PLCZ1: variants seen among roughly 807,000 people sequenced by gnomAD.
PLCZ1 encodes the protein 1-phosphatidylinositol 4,5-bisphosphate phosphodiesterase zeta-1.
Under a neutral mutation model 76.8 loss-of-function variants are expected in PLCZ1, and 64 were observed. The observed-to-expected ratio is 0.83, with a 90% CI of 0.68 to 1.03. PLCZ1 has a LOEUF of 1.03. Among genes scored for constraint, PLCZ1 ranks in the 50% least tolerant of loss-of-function variants. The probability of loss-of-function intolerance (pLI) is 0.00; values close to 1 mark genes in which losing one functional copy is unlikely to be tolerated. For missense variants in PLCZ1, 751 were observed against 713.7 expected, an observed-to-expected ratio of 1.05 and a Z score of -0.60; for synonymous variants, 248 against 230.8, an observed-to-expected ratio of 1.07 and a Z score of -0.68.
the PLCZ1 span, among the ~76,000 whole-genome samples, chr12:18,650,331 C>CTATATATATATATA: frequency 3.3e-5 from 3 of 91,982 alleles, no homozygotes; most frequent in African/African-American, 4.4e-5. Flanking sequence ...CTCTCTCTCT[C>CTATATATATATATA]TATATATATA....
At chr12:18,648,175 G>T in the PLCZ1 span, 1 of 404,418 alleles carries the variant, frequency 2.5e-6, no homozygotes. Context: ...TTAGTCTTTT[G>T]TGTTGTTTAT....
chr12:18,723,002 T>C (rs576630379), intron 4 of PLCZ1, among the ~76,000 whole-genome samples: 57 of 152,016 alleles, frequency 3.7e-4, no homozygotes, highest in Non-Finnish European at 6.9e-4. Flanking sequence ...TCTAATAGGG[T>C]ACATGTAATA....
chr12:18,693,704 T>G (rs1283176516), intron 12 of PLCZ1: 11 of 1,563,554 alleles, frequency 7.0e-6, no homozygotes, highest in Non-Finnish European at 9.7e-6. Context: ...GCGAACAACG[T>G]TGGAACTGCT....
chr12:18,718,927 G>C (rs1305060876), intron 5 of PLCZ1, among the ~76,000 whole-genome samples: 1 of 151,970 alleles, frequency 6.6e-6, no homozygotes, highest in Non-Finnish European at 1.5e-5. Context: ...AATGCAATGT[G>C]GATTATTTTT....
chr12:18,667,406 C>T, the PLCZ1 span, among the ~76,000 whole-genome samples: 1 of 152,148 alleles, frequency 6.6e-6, no homozygotes, highest in African/African-American at 2.4e-5. Flanking sequence ...TTACCTGTAT[C>T]TATCTGCTCT....
At chr12:18,686,524 T>C (rs558613273) in intron 13 of PLCZ1, among the ~76,000 whole-genome samples, 1 of 151,484 alleles carries the variant, frequency 6.6e-6, no homozygotes, top group East Asian at 1.9e-4. Flanking sequence ...GTTCTGTCTC[T>C]GGTATGTTTA....
intron 3 of PLCZ1, among the ~76,000 whole-genome samples, chr12:18,731,563 A>G (rs1174968130): frequency 9.1e-6 from 1 of 109,362 alleles, no homozygotes; most frequent in Non-Finnish European, 1.8e-5. Flanking sequence ...TTTTTGACGC[A>G]CAAGCCTGCT....
chr12:18,719,333 G>T (rs925827009), intron 5 of PLCZ1, 98 bp downstream of exon 5: 6 of 619,306 alleles, frequency 9.7e-6, no homozygotes, highest in African/African-American at 1.9e-5. Flanking sequence ...AACATGGAGA[G>T]TCTTCTTTTT....
chr12:18,723,657 C>T, intron 3 of PLCZ1, 115 bp from the exon 4 acceptor site: 1 of 869,746 alleles, frequency 1.1e-6, no homozygotes, highest in Non-Finnish European at 1.8e-6. Context: ...ATGAAAATTA[C>T]ATTGGATTCT....
chr12:18,647,761 C>T, the PLCZ1 span: 1 of 469,174 alleles, frequency 2.1e-6, no homozygotes, highest in Non-Finnish European at 3.6e-6. Context: ...ATTAACCTAT[C>T]TATTCCAGGG....
chr12:18,719,687 T>TA lies in PLCZ1; in HGVS notation c.368-56dup. On this transcript the variant is annotated intron_variant, in intron 4 of 14. Coordinates refer to ENST00000266505, the MANE Select transcript of PLCZ1 (RefSeq NM_033123.4). ...GGATGCAAAAATACCATTAGCAAGA[T>TA]AAAAAACTACATCTCACTTGTAAAC... is the stretch of plus-strand genomic sequence containing the variant. 3 of 1,268,438 alleles carry TA rather than the reference T, an allele frequency of 2.4e-6. No individual in the cohort carries two copies. The East Asian group carries it at 7.7e-5, about 33-fold the overall frequency. 78.6% of individuals were successfully genotyped at this position (1,268,438 alleles called of 1,614,324 possible).
In PLCZ1 at chr12:18,695,086, G is replaced by T. The variant is rs77277618; in HGVS notation, c.1292-7C>A. The T allele has an allele frequency of 1.4e-3, 2,181 of 1,611,190 alleles. 28 individuals carry two copies. The African/African-American group carries it at 0.026, about 19-fold the overall frequency. On this transcript the variant is annotated splice_polypyrimidine_tract_variant and splice_region_variant and intron_variant, in intron 11 of 14. Transcript: ENST00000266505. Reference sequence around the variant, plus strand: ...GTCTGGAAATTTAAAGCCACTGTAAGAAAGAAGTATTTTGACATTGTCAGG... The same window carrying T: ...GTCTGGAAATTTAAAGCCACTGTAATAAAGAAGTATTTTGACATTGTCAGG...
chr12:18,680,126 G>A (rs1369528888), downstream of PLCZ1, among the ~76,000 whole-genome samples: 3 of 151,988 alleles, frequency 2.0e-5, no homozygotes, highest in Non-Finnish European at 4.4e-5. Context: ...GCAGTACTGA[G>A]AAGAAAGGGA....
At chr12:18,698,892 T>C (rs1169638133) in intron 10 of PLCZ1, among the ~76,000 whole-genome samples, 1 of 152,182 alleles carries the variant, frequency 6.6e-6, no homozygotes, top group Non-Finnish European at 1.5e-5. Flanking sequence ...TATAGTTTTG[T>C]ATCCATTATT....
At chr12:18,650,722 A>ATATATC in the PLCZ1 span, among the ~76,000 whole-genome samples, 1 of 16,580 alleles carries the variant, frequency 6.0e-5, no homozygotes, top group Non-Finnish European at 9.6e-5. Context: ...CTATATATAT[A>ATATATC]TATATATATA....
chr12:18,671,397 G>A, the PLCZ1 span, among the ~76,000 whole-genome samples: 1 of 152,078 alleles, frequency 6.6e-6, no homozygotes, highest in Middle Eastern at 3.4e-3. Flanking sequence ...GAAAGAACAC[G>A]AGAGCCTGGC....
chr12:18,694,830 A>T, intron 12 of PLCZ1, 80 bp downstream of exon 12: 1 of 1,104,128 alleles, frequency 9.1e-7, no homozygotes, highest in Non-Finnish European at 1.3e-6. Context: ...GAAGCAAATC[A>T]GTGGAATTCA....
chr12:18,708,542 G>T (rs1049011275), intron 6 of PLCZ1, among the ~76,000 whole-genome samples: 1 of 152,110 alleles, frequency 6.6e-6, no homozygotes. Flanking sequence ...GGATTACTGG[G>T]TCATATGGTG....
At chr12:18,690,070 C>T (rs1226240501) in intron 12 of PLCZ1, among the ~76,000 whole-genome samples, 1 of 152,134 alleles carries the variant, frequency 6.6e-6, no homozygotes, top group African/African-American at 2.4e-5. Context: ...CTTCCACCTT[C>T]ACTTTCTCAA....
Sources: allele counts gnomAD v4.1 joint callset (sites outside exome capture counted in the v4.1 genomes callset), GRCh38; gene constraint gnomAD v4.1.1; transcripts MANE v1.5; gene names NCBI Gene and HGNC (gene_info 2026-07-23, HGNC 2026-07-21).